Variants in ERI3 observed in about 807,000 individuals in gnomAD.
ERI3 encodes the protein ERI1 exoribonuclease family member 3.
In ERI3, 18 loss-of-function variants were observed where a neutral mutation model predicts 44.4. The ratio of observed to expected loss-of-function variants is 0.41; its 90% CI spans 0.28 to 0.60. The LOEUF is 0.60. Ranked by LOEUF, ERI3 falls within the 20% of genes least tolerant of loss-of-function variation. ERI3 has a pLI of 0.36. For missense variants in ERI3, 294 were observed against 435.5 expected (o/e 0.68, Z 2.89); for synonymous variants, 183 against 164.8 (o/e 1.11, Z -0.84).
At chr1:44,275,819 C>T (rs930762459) in intron 7 of ERI3, among the ~76,000 whole-genome samples, 7 of 152,166 alleles carry the variant, frequency 4.6e-5, no homozygotes, top group Non-Finnish European at 1.0e-4. Flanking sequence ...CAGAATCCTC[C>T]TAAGGCTGCC....
chr1:44,326,637 G>A (rs934700516), intron 3 of ERI3, among the ~76,000 whole-genome samples: 1 of 152,090 alleles, frequency 6.6e-6, no homozygotes, highest in Admixed American at 6.5e-5. Flanking sequence ...TTTGTGCTTC[G>A]GGTCATCTTT....
intron 7 of ERI3, among the ~76,000 whole-genome samples, chr1:44,248,756 T>C (rs892735086): frequency 6.6e-6 from 1 of 151,352 alleles, no homozygotes; most frequent in Non-Finnish European, 1.5e-5. Flanking sequence ...CTGCTGAAGG[T>C]CAAGTGCTCA....
intron 7 of ERI3, among the ~76,000 whole-genome samples, chr1:44,278,956 C>A (rs1354515662): frequency 6.6e-6 from 1 of 152,170 alleles, no homozygotes; most frequent in Non-Finnish European, 1.5e-5. Flanking sequence ...AAAATGTGTT[C>A]TTCAATCATA....
At chr1:44,298,313 G>A in intron 6 of ERI3, among the ~76,000 whole-genome samples, 1 of 152,222 alleles carries the variant, frequency 6.6e-6, no homozygotes, top group Non-Finnish European at 1.5e-5. Flanking sequence ...AGGGAGGACA[G>A]TGTGGGTTCC....
intron 3 of ERI3, among the ~76,000 whole-genome samples, chr1:44,336,161 G>T (rs753473733): frequency 6.6e-6 from 1 of 152,092 alleles, no homozygotes; most frequent in Non-Finnish European, 1.5e-5. Flanking sequence ...CACTTCCCTT[G>T]TTGACCAGAA....
In ERI3 at chr1:44,233,402, G is replaced by A. The variant is rs988702865; in HGVS notation, c.932-11762C>T. On this transcript the variant is annotated intron_variant, in intron 8 of 8. Coordinates refer to ENST00000372257, the MANE Select transcript of ERI3 (RefSeq NM_024066.3). ...AAGAGAGGGCCAAGCCTGATGTCAC[G>A]TTCTTTTTTTTTTTTTTTTGAGATG... Among the ~76,000 whole-genome samples, 4 of 149,210 alleles carry A rather than the reference G, an allele frequency of 2.7e-5. No homozygotes were observed. The South Asian group carries it at 6.3e-4, about 24-fold the overall frequency.
intron 8 of ERI3, among the ~76,000 whole-genome samples, chr1:44,231,104 G>T (rs1188006426): frequency 6.6e-6 from 1 of 152,158 alleles, no homozygotes; most frequent in Admixed American, 6.5e-5. Flanking sequence ...ATACCCTGAA[G>T]GTAATTTTAT....
At chr1:44,248,656 AGGGGTGTACATGG>A (rs1644604350) in intron 7 of ERI3, among the ~76,000 whole-genome samples, 1 of 151,082 alleles carries the variant, frequency 6.6e-6, no homozygotes, top group Admixed American at 6.6e-5. Context: ...AGCAGCTGGG[AGGGGTGTACATGG>A]GGCGTGTGTG....
intron 2 of ERI3, among the ~76,000 whole-genome samples, chr1:44,346,264 A>C (rs539532444): frequency 6.6e-6 from 1 of 152,338 alleles, no homozygotes; most frequent in East Asian, 1.9e-4. Context: ...AGCAGAGCTA[A>C]AATCACTAAA....
Position 44,222,891 on chromosome 1 carries a change from C to A in ERI3, c.932-1251G>T, listed in dbSNP as rs112196070. On this transcript the variant is annotated intron_variant, in intron 8 of 8. Transcript: ENST00000372257. ...AGGTCAAGGTGGGGTCAGGAAGCCT[C>A]TGCATGTCAAGGCCCACTTTTGCCA... Among the ~76,000 whole-genome samples the A allele has an allele frequency of 4.1e-3, 628 of 152,330 alleles. 4 individuals are homozygous for A. The highest frequency in any genetic ancestry group is 0.014 in the African/African-American group (597 of 41,576).
chr1:44,269,948 TG>T (rs1037335034), intron 7 of ERI3, among the ~76,000 whole-genome samples: 1 of 152,180 alleles, frequency 6.6e-6, no homozygotes, highest in African/African-American at 2.4e-5. Flanking sequence ...TGGCATCAAC[TG>T]GGGCTCAATG....
intron 7 of ERI3, among the ~76,000 whole-genome samples, chr1:44,250,385 G>A (rs548161078): frequency 2.6e-5 from 4 of 152,276 alleles, no homozygotes; most frequent in South Asian, 2.1e-4. Context: ...TTGCCCCACC[G>A]CGTCACCGTG....
chr1:44,310,959 G>GCGCGCGCGCGCGCGCA (rs1645951008), intron 5 of ERI3, among the ~76,000 whole-genome samples: 1 of 81,256 alleles, frequency 1.2e-5, no homozygotes, highest in Non-Finnish European at 2.4e-5. Context: ...CATCGCGCGC[G>GCGCGCGCGCGCGCGCA]CGCGCACACA....
intron 6 of ERI3, among the ~76,000 whole-genome samples, chr1:44,288,819 T>C (rs1488168720): frequency 6.6e-6 from 1 of 151,618 alleles, no homozygotes; most frequent in Non-Finnish European, 1.5e-5. Context: ...TGGGTATCAG[T>C]GGGTACATGG....
rs115961642 is a variant in ERI3 at position 44,269,677 on chromosome 1, A to G, written c.831+15158T>C. ...ATTCACTGACTTTCATTGAACACACAACTGATAATGGCTGCTGTGTGTGCC... is the reference window on the plus strand; with the variant it reads ...ATTCACTGACTTTCATTGAACACACGACTGATAATGGCTGCTGTGTGTGCC... On this transcript the variant is annotated intron_variant, in intron 7 of 8. Transcript: ENST00000372257. Among the ~76,000 whole-genome samples the G allele has an allele frequency of 2.3e-3, 355 of 152,302 alleles. 5 individuals carry two copies. The highest frequency in any genetic ancestry group is 8.0e-3 in the African/African-American group (334 of 41,562).
chr1:44,344,912 C>T (rs147418985), intron 2 of ERI3, among the ~76,000 whole-genome samples: 5 of 152,274 alleles, frequency 3.3e-5, no homozygotes, highest in Non-Finnish European at 5.9e-5. Context: ...ATGGGACTGC[C>T]ACGGGGCCAG....
Position 44,221,507 on chromosome 1 carries a change from T to C in ERI3, c.*51A>G. ...CCTCTGGTGAGGGAGAGGAGGATTC[T>C]GGGCTGGGCCAAACAGCTACCCTGT... On this transcript the variant is annotated 3_prime_UTR_variant, in exon 9 of 9. Coordinates refer to ENST00000372257, the MANE Select transcript of ERI3 (RefSeq NM_024066.3). The surrounding 1 kb of genome is among the most constrained non-coding windows in gnomAD (Gnocchi z 5.9). 1 of 1,466,292 alleles carries C rather than the reference T, an allele frequency of 6.8e-7. No individual in the cohort carries two copies. The highest frequency in any genetic ancestry group is 9.6e-7 in the Non-Finnish European group (1 of 1,046,390). The allele number at this position is 1,466,292 out of a possible 1,614,324, so 90.8% of individuals were successfully genotyped here.
intron 6 of ERI3, among the ~76,000 whole-genome samples, chr1:44,285,288 A>G (rs1198535107): frequency 2.6e-5 from 4 of 152,238 alleles, no homozygotes; most frequent in Non-Finnish European, 5.9e-5. Flanking sequence ...GAGGTTACCC[A>G]AGGTCCCACA....
intron 7 of ERI3, 27 bp downstream of exon 7, chr1:44,284,808 C>T: frequency 9.4e-6 from 15 of 1,594,654 alleles, no homozygotes; most frequent in African/African-American, 1.3e-5. Context: ...CCAGGGGAAG[C>T]ACCCAGTTGG....
Sources: allele counts gnomAD v4.1 joint callset (sites outside exome capture counted in the v4.1 genomes callset), GRCh38; gene constraint gnomAD v4.1.1; non-coding constraint Gnocchi (gnomAD v3.1); transcripts MANE v1.5; gene names NCBI Gene and HGNC (gene_info 2026-07-23, HGNC 2026-07-21).